The following LAMA3 variants were observed in gnomAD, a reference collection of about 807,000 sequenced individuals.
LAMA3 encodes laminin subunit alpha-3.
In LAMA3, 281 loss-of-function variants were observed where a neutral mutation model predicts 402.0. The observed-to-expected ratio is 0.70, with a 90% confidence interval of 0.63 to 0.77. The LOEUF (loss-of-function observed/expected upper bound fraction) is 0.77. Ranked by LOEUF, LAMA3 falls within the 30% of genes least tolerant of loss-of-function variation. LAMA3 has a pLI of 0.00. For synonymous variants in LAMA3, 1,431 were observed against 1,558.4 expected, an observed-to-expected ratio of 0.92 and a Z score of 1.93; for missense variants, 3,840 against 4,215.5, an observed-to-expected ratio of 0.91 and a Z score of 2.47.
At chr18:23,922,027 G>A (rs900942631) in intron 62 of LAMA3, among the ~76,000 whole-genome samples, 2 of 152,320 alleles carry the variant, frequency 1.3e-5, no homozygotes, top group East Asian at 1.9e-4. Context: ...CCTTCACTTC[G>A]GCATCAGCTG....
At chr18:23,700,369 G>A (rs2060769829) in intron 1 of LAMA3, among the ~76,000 whole-genome samples, 1 of 152,144 alleles carries the variant, frequency 6.6e-6, no homozygotes, top group Non-Finnish European at 1.5e-5. Flanking sequence ...AGAAGGAAGA[G>A]GATTGCATGG....
At chr18:23,897,791 G>A (rs940515289) in intron 44 of LAMA3, among the ~76,000 whole-genome samples, 3 of 152,126 alleles carry the variant, frequency 2.0e-5, no homozygotes, top group South Asian at 2.1e-4. Flanking sequence ...GAAAGATTAC[G>A]TATAAGAAGG....
chr18:23,774,344 C>T (rs2062267858), intron 9 of LAMA3, among the ~76,000 whole-genome samples: 1 of 152,200 alleles, frequency 6.6e-6, no homozygotes, highest in East Asian at 1.9e-4. Context: ...ATATATGAGG[C>T]ATTACCTAAA....
chr18:23,825,846 C>T (rs908419117), intron 21 of LAMA3, among the ~76,000 whole-genome samples: 6 of 152,060 alleles, frequency 3.9e-5, no homozygotes, highest in Non-Finnish European at 5.9e-5. Flanking sequence ...TCAACCTTTA[C>T]TATTCTATTA....
intron 58 of LAMA3, 135 bp downstream of exon 58, chr18:23,914,995 C>A: frequency 1.3e-6 from 1 of 777,892 alleles, no homozygotes; most frequent in Non-Finnish European, 2.1e-6. Flanking sequence ...TCTAGAGATA[C>A]TAGCTAACAC....
At position 23,864,897 on chromosome 18, in the gene LAMA3, C is replaced by T; in HGVS notation, c.4683+14C>T. 2 of 1,568,044 alleles carry T rather than the reference C, an allele frequency of 1.3e-6. No individual in the cohort carries two copies. The highest frequency in any genetic ancestry group is 1.8e-6 in the Non-Finnish European group (2 of 1,138,730). ...GTACAGCTCACTGTAGGTATCAGAG[C>T]ATGACCTAAGTGGCAGGAAGTGGCA... is the stretch of plus-strand genomic sequence containing the variant. On this transcript the variant is annotated intron_variant, in intron 36 of 74. Coordinates refer to ENST00000313654, the MANE Select transcript of LAMA3 (RefSeq NM_198129.4).
intron 42 of LAMA3, among the ~76,000 whole-genome samples, chr18:23,893,016 G>A (rs1162566086): frequency 6.6e-6 from 1 of 151,482 alleles, no homozygotes; most frequent in African/African-American, 2.4e-5. Context: ...GTCTTTGAGT[G>A]GCAGGATCAA....
chr18:23,858,763 T>G lies in LAMA3; in HGVS notation c.4356T>G (p.Gly1452=), dbSNP rs767781304. ...SFHLDPANLK[G]CTSCFCFGVN... The stretch of plus-strand genomic sequence containing the variant: ...ATTTGGACCCAGCCAATCTCAAGGG[T>G]TGTACCAGCTGTTTCTGTTTTGGAG... The change falls in exon 34 of 75, where the codon GGT becomes GGG. Residue 1452 remains glycine, a synonymous_variant. Transcript: ENST00000313654. 1 of 1,614,014 alleles carries G rather than the reference T, an allele frequency of 6.2e-7. No homozygotes were observed. The highest frequency in any genetic ancestry group is 1.3e-5 in the African/African-American group (1 of 74,922).
In LAMA3 at chr18:23,949,923, G is replaced by T. The variant is rs1359315396; in HGVS notation, c.9510G>T (p.Leu3170Phe). The T allele has an allele frequency of 2.5e-6, 4 of 1,614,064 alleles. No individual in the cohort carries two copies. Among genetic ancestry groups the T allele is most frequent in the Non-Finnish European group, 3.4e-6 (4 of 1,180,014 alleles). Reference protein sequence around the residue: ...YFSEEGGHVVLAHSVLLGPEF... With the variant: ...YFSEEGGHVVFAHSVLLGPEF... ...CTGAAGAAGGAGGTCATGTCGTCTT[G>T]GGTAAGGAGCAGTTCTATAGAATTT... The change falls in exon 71 of 75, where the codon TTG (leucine) becomes TTT (phenylalanine). Residue 3170 changes from leucine (L) to phenylalanine (F), a missense_variant and splice_region_variant. Around this residue, in one of 3 missense-constraint regions of LAMA3, gnomAD observed 840 missense variants for 981.9 expected, o/e 0.86. Coordinates refer to ENST00000313654, the MANE Select transcript of LAMA3 (RefSeq NM_198129.4).
In LAMA3 at chr18:23,750,981, A is replaced by C; in HGVS notation, c.748A>C (p.Arg250=). 1.2e-6 allele frequency: 2 copies of C among 1,614,106 alleles called. No individual in the cohort carries two copies. The highest frequency in any genetic ancestry group is 1.7e-6 in the Non-Finnish European group (2 of 1,180,012). Residue 250 remains arginine, a synonymous_variant, in exon 5 of 75, where the codon AGG becomes CGG. Transcript: ENST00000313654. The part of the protein sequence containing the change: ...AKNFTFSHTL[R]EFTKATNIRL... ...AAATTTTACTTTCTCTCACACCCTG[A>C]GGGAGTTTACCAAGGCAACAAACAT...
At chr18:23,746,992 A>C (rs1165153296) in intron 2 of LAMA3, among the ~76,000 whole-genome samples, 3 of 151,560 alleles carry the variant, frequency 2.0e-5, no homozygotes, top group Non-Finnish European at 4.4e-5. Flanking sequence ...AGCACTCCCT[A>C]CTCCCCAACT....
intron 32 of LAMA3, among the ~76,000 whole-genome samples, chr18:23,857,625 C>T (rs1374439513): frequency 4.6e-5 from 7 of 152,240 alleles, no homozygotes; most frequent in Admixed American, 1.3e-4. Flanking sequence ...GACCCATCTA[C>T]GACGGTCATC....
intron 62 of LAMA3, among the ~76,000 whole-genome samples, chr18:23,923,555 T>C (rs1213955462): frequency 6.6e-6 from 1 of 151,268 alleles, no homozygotes; most frequent in Non-Finnish European, 1.5e-5. Context: ...AACGGAGGAG[T>C]GGGGTGAGAA....
At chr18:23,831,233 A>C (rs2063485135) in intron 23 of LAMA3, among the ~76,000 whole-genome samples, 1 of 152,202 alleles carries the variant, frequency 6.6e-6, no homozygotes, top group Non-Finnish European at 1.5e-5. Flanking sequence ...TCTGATGGGA[A>C]TATTTGATCA....
intron 37 of LAMA3, among the ~76,000 whole-genome samples, chr18:23,869,118 A>C (rs1481703712): frequency 6.6e-6 from 1 of 152,246 alleles, no homozygotes; most frequent in African/African-American, 2.4e-5. Flanking sequence ...TCCTTCATAA[A>C]AGCAATGAGA....
At position 23,879,807 on chromosome 18, in the gene LAMA3, G is replaced by A. The variant is rs963827760; in HGVS notation, c.5113-2129G>A. ...TTTACGGGACTTTGTCAAGCAACACGGGTTTTGACACTCTTCCTTGATCCT... is the reference window on the plus strand; with the variant it reads ...TTTACGGGACTTTGTCAAGCAACACAGGTTTTGACACTCTTCCTTGATCCT... On this transcript the variant is annotated intron_variant, in intron 39 of 74. Transcript: ENST00000313654. The surrounding 1 kb of genome is among the most constrained non-coding windows in gnomAD (Gnocchi z 4.2). Among the ~76,000 whole-genome samples the A allele has an allele frequency of 2.6e-5, 4 of 152,160 alleles. No homozygotes were observed. Among genetic ancestry groups the A allele is most frequent in the South Asian group, 2.1e-4 (1 of 4,828 alleles).
intron 44 of LAMA3, among the ~76,000 whole-genome samples, chr18:23,897,276 G>A (rs925503350): frequency 1.3e-5 from 2 of 152,220 alleles, no homozygotes; most frequent in African/African-American, 4.8e-5. Context: ...GCTGATTCTA[G>A]TGACTATAGC....
Position 23,839,010 on chromosome 18 carries a change from A to C in LAMA3, c.3191+132A>C. ...GCTAAAGTCTGGTGGTGGATTTAAA[A>C]CAGAAAGAAAAACCAGCTAAATAAT... On this transcript the variant is annotated intron_variant, in intron 26 of 74. Transcript: ENST00000313654. This position sits in a 1 kb window ranked among gnomAD's most constrained non-coding sequence, Gnocchi z 4.5. The C allele has an allele frequency of 1.4e-6, 1 of 708,700 alleles. No individual in the cohort carries two copies. Among genetic ancestry groups the C allele is most frequent in the East Asian group, 2.7e-5 (1 of 36,980 alleles). 43.9% of individuals were successfully genotyped at this position (708,700 alleles called of 1,614,324 possible).
rs764130327 is a variant in LAMA3, at chr18:23,916,595, A to G, written c.7823A>G (p.Tyr2608Cys). Residue 2608 changes from tyrosine (Y) to cysteine (C), a missense_variant, in exon 60 of 75, where the codon TAT (tyrosine) becomes TGT (cysteine). Coordinates refer to ENST00000313654, the MANE Select transcript of LAMA3 (RefSeq NM_198129.4). The stretch of plus-strand genomic sequence containing the variant: ...AAAAATTATTTTGAAGGTACGGGCT[A>G]TGCTCGAGTTCCAACTCAACCACAT... The part of the protein sequence containing the change: ...SDKNYFEGTG[Y>C]ARVPTQPHAP... 6.2e-7 allele frequency: 1 copy of G among 1,614,038 alleles called. No homozygotes were observed. The highest frequency in any genetic ancestry group is 8.5e-7 in the Non-Finnish European group (1 of 1,179,980).
Sources: gnomAD v4.1 joint callset for allele counts (sites outside exome capture counted in the v4.1 genomes callset) on GRCh38, gnomAD v4.1.1 for gene constraint, gnomAD v4.1.1 regional missense constraint, Gnocchi (gnomAD v3.1) non-coding constraint, MANE v1.5 for transcripts, NCBI Gene and HGNC (gene_info 2026-07-23, HGNC 2026-07-21) for gene names.